The following CHD8 variants were observed in gnomAD, a reference collection of about 807,000 sequenced individuals.
The protein encoded by CHD8 is chromodomain helicase DNA binding protein 8.
In CHD8, 31 loss-of-function variants were observed where a neutral mutation model predicts 279.2. The ratio of observed to expected loss-of-function variants is 0.11; its 90% CI spans 0.08 to 0.15. The LOEUF (loss-of-function observed/expected upper bound fraction) is 0.15, where lower values mean the gene tolerates loss of function less well. Ranked by LOEUF, CHD8 falls within the 10% of genes least tolerant of loss-of-function variation. CHD8 has a pLI of 1.00. For missense variants in CHD8, 2,146 were observed against 3,230.5 expected (o/e 0.66, Z 8.14); for synonymous variants, 1,081 against 1,139.6 (o/e 0.95, Z 1.04).
At position 21,386,997 on chromosome 14, in the gene CHD8, A is replaced by C. The variant is rs368778574; in HGVS notation, c.7183-821T>G. ...ATTTCTACATGTCTAGAACACCAAA[A>C]AACTGTCAGAAACTCCTCACTAAAT... On this transcript the variant is annotated intron_variant, in intron 37 of 37. Coordinates refer to ENST00000646647, the MANE Select transcript of CHD8 (RefSeq NM_001170629.2). Among the ~76,000 whole-genome samples the C allele has an allele frequency of 1.5e-3, 221 of 152,334 alleles. 3 individuals carry two copies. Among genetic ancestry groups the C allele is most frequent in the African/African-American group, 4.4e-3 (181 of 41,580 alleles).
chr14:21,412,266 C>T lies in CHD8; in HGVS notation c.2226+647G>A, dbSNP rs556795651. Among the ~76,000 whole-genome samples the T allele has an allele frequency of 4.6e-5, 7 of 152,054 alleles. No homozygotes were observed. In the East Asian group the frequency reaches 1.4e-3, roughly 30 times the overall value. ...GTTCAAGCGATTCTCCTGCCTCAGC[C>T]TCCCGAGTAGCTGGGACTATAGGCA... On this transcript the variant is annotated intron_variant, in intron 10 of 37. Transcript: ENST00000646647.
Position 21,405,713 on chromosome 14 carries a change from T to C in CHD8, c.3051+8A>G. On this transcript the variant is annotated splice_region_variant and intron_variant, in intron 15 of 37. Transcript: ENST00000646647. This position sits in a 1 kb window ranked among gnomAD's most constrained non-coding sequence, Gnocchi z 4.2. ...CTGAGTTAGTACCTCATCAGATAGATTTCCTACCTGTTCCTCTGTCTTGAG... is the reference window on the plus strand; with the variant it reads ...CTGAGTTAGTACCTCATCAGATAGACTTCCTACCTGTTCCTCTGTCTTGAG... 2 of 1,613,480 alleles carry C rather than the reference T, an allele frequency of 1.2e-6. No individual in the cohort carries two copies. The highest frequency in any genetic ancestry group is 1.1e-5 in the South Asian group (1 of 91,028).
Position 21,405,025 on chromosome 14 carries a change from T to C in CHD8, c.3307+184A>G, listed in dbSNP as rs547480320. On this transcript the variant is annotated intron_variant, in intron 16 of 37. Coordinates refer to ENST00000646647, the MANE Select transcript of CHD8 (RefSeq NM_001170629.2). This position sits in a 1 kb window ranked among gnomAD's most constrained non-coding sequence, Gnocchi z 4.2. ...TTTTGTATTTTTTGTAGAGGTGGGA[T>C]TTCATCATGTTGCCCAGGCTTAGAG... The C allele has an allele frequency of 1.0e-5, 6 of 602,184 alleles. No individual in the cohort carries two copies. In the South Asian group the frequency reaches 1.3e-4, roughly 13 times the overall value. 37.3% of individuals were successfully genotyped at this position (602,184 alleles called of 1,614,324 possible).
intron 37 of CHD8, among the ~76,000 whole-genome samples, chr14:21,386,708 G>A (rs567204890): frequency 6.6e-6 from 1 of 152,122 alleles, no homozygotes; most frequent in African/African-American, 2.4e-5. Context: ...AAGGTGGCGG[G>A]CGCCTGTAGT....
chr14:21,427,540 C>A, intron 4 of CHD8: 1 of 1,268,924 alleles, frequency 7.9e-7, no homozygotes, highest in Admixed American at 3.0e-5. Flanking sequence ...ATCACAATAG[C>A]AAGGAGCACT....
chr14:21,415,793 C>T lies in CHD8; in HGVS notation c.1831G>A (p.Glu611Lys). 6.2e-7 allele frequency: 1 copy of T among 1,613,948 alleles called. No homozygotes were observed. Among genetic ancestry groups the T allele is most frequent in the African/African-American group, 1.3e-5 (1 of 75,034 alleles). The change falls in exon 6 of 38, where the codon GAG becomes AAG. Residue 611 changes from glutamate to lysine, a missense_variant. Coordinates refer to ENST00000646647, the MANE Select transcript of CHD8 (RefSeq NM_001170629.2). ...EVDVTGPIKP[E>K]PILPEPVQEP... ...TGCACTGGTTCAGGGAGGATAGGCT[C>T]AGGTTTTATTGGACCAGTTACATCC... is the stretch of plus-strand genomic sequence containing the variant.
intron 1 of CHD8, among the ~76,000 whole-genome samples, chr14:21,435,802 G>A (rs966368774): frequency 1.3e-5 from 2 of 152,172 alleles, no homozygotes; most frequent in Admixed American, 1.3e-4. Flanking sequence ...AAGCCTTCTT[G>A]GCCAGTGAAG....
chr14:21,397,404 T>C (rs560891953), intron 27 of CHD8: 8 of 515,926 alleles, frequency 1.6e-5, no homozygotes, highest in Admixed American at 5.8e-5. Context: ...CATTGGGACA[T>C]GTTTTCAGGC....
Position 21,431,521 on chromosome 14 carries a change from G to C in CHD8, c.123C>G (p.Ser41Arg), listed in dbSNP as rs1189500705. 1 of 1,537,040 alleles carries C rather than the reference G, an allele frequency of 6.5e-7. No homozygotes were observed. Among genetic ancestry groups the C allele is most frequent in the African/African-American group, 1.4e-5 (1 of 73,038 alleles). Reference sequence around the variant, plus strand: ...TCATCTGATCCAAGGAGTCCAGAGAGCTTGGCAGTCCAAGGGCTTCCTCAA... The same window carrying C: ...TCATCTGATCCAAGGAGTCCAGAGACCTTGGCAGTCCAAGGGCTTCCTCAA... The part of the protein sequence containing the change: ...DPIEEALGLP[S>R]SLDSLDQMNQ... The change falls in exon 2 of 38, where the codon AGC (serine) becomes AGG (arginine). Residue 41 changes from serine (S) to arginine (R), a missense_variant. By Grantham distance (110) the Ser-to-Arg change is moderately radical. Transcript: ENST00000646647.
intron 5 of CHD8, among the ~76,000 whole-genome samples, chr14:21,421,937 C>T (rs948749015): frequency 6.6e-6 from 1 of 152,178 alleles, no homozygotes; most frequent in African/African-American, 2.4e-5. Flanking sequence ...GGAAAGACCA[C>T]GTGAAGACAC....
At chr14:21,447,074 G>A (rs1890140335) in intron 1 of CHD8, among the ~76,000 whole-genome samples, 1 of 152,156 alleles carries the variant, frequency 6.6e-6, no homozygotes, top group South Asian at 2.1e-4. Flanking sequence ...CAAAGCAATG[G>A]CTTCCCTCAC....
intron 1 of CHD8, among the ~76,000 whole-genome samples, chr14:21,450,085 T>G (rs1048092610): frequency 3.3e-5 from 5 of 152,188 alleles, no homozygotes; most frequent in African/African-American, 1.2e-4. Context: ...TTTATGCAAC[T>G]TGCTAGCCCC....
chr14:21,414,072 T>C (rs182053562), intron 9 of CHD8: 46 of 450,402 alleles, frequency 1.0e-4, no homozygotes, highest in African/African-American at 5.4e-4. Context: ...TTCATGTGCA[T>C]TGAGGAAATC....
In CHD8 at chr14:21,453,456, GA is replaced by G. The variant is rs572600692; in HGVS notation, c.-216+2575del. 2.3e-3 allele frequency among the ~76,000 whole-genome samples: 344 copies of G among 152,056 alleles called. 9 individuals carry two copies. Among genetic ancestry groups the G allele is most frequent in the African/African-American group, 7.9e-3 (328 of 41,320 alleles). ...GAATAAAAGATCATAGATCATGTAAGAGGGGATATAAAAAGTTAAAGTGAGA... is the reference window on the plus strand; with the variant it reads ...GAATAAAAGATCATAGATCATGTAAGGGGGATATAAAAAGTTAAAGTGAGA... On this transcript the variant is annotated intron_variant, in intron 1 of 37. Coordinates refer to ENST00000646647, the MANE Select transcript of CHD8 (RefSeq NM_001170629.2).
At chr14:21,450,443 A>G (rs961072761) in intron 1 of CHD8, among the ~76,000 whole-genome samples, 1 of 152,222 alleles carries the variant, frequency 6.6e-6, no homozygotes, top group Non-Finnish European at 1.5e-5. Context: ...AGGAAATTCC[A>G]AAGGTTTCTA....
Position 21,403,001 on chromosome 14 carries a change from C to A in CHD8, c.3714+16G>T. On this transcript the variant is annotated intron_variant, in intron 18 of 37. Transcript: ENST00000646647. The surrounding 1 kb of genome is among the most constrained non-coding windows in gnomAD (Gnocchi z 4.3). ...CAAGTTAGGTAGTTAGTCCCTAAGA[C>A]AATGAATTCCTTTACCTGCAGGTCA... The A allele has an allele frequency of 3.1e-6, 5 of 1,603,158 alleles. No individual in the cohort carries two copies. The highest frequency in any genetic ancestry group is 4.3e-6 in the Non-Finnish European group (5 of 1,171,442).
chr14:21,413,977 T>TCTA (rs1457211262), intron 9 of CHD8: 1 of 236,714 alleles, frequency 4.2e-6, no homozygotes, highest in African/African-American at 2.3e-5. Flanking sequence ...TAATAATAGG[T>TCTA]CTACAGAAAC....
Position 21,397,829 on chromosome 14 carries a change from A to C in CHD8, c.5045T>G (p.Val1682Gly). 6.2e-7 allele frequency: 1 copy of C among 1,613,482 alleles called. No individual in the cohort carries two copies. The highest frequency in any genetic ancestry group is 8.5e-7 in the Non-Finnish European group (1 of 1,179,652). The change falls in exon 27 of 38, where the codon GTA (valine) becomes GGA (glycine). Residue 1682 changes from valine to glycine, a missense_variant. By Grantham distance (109) the Val-to-Gly change is moderately radical. This residue lies in a region of CHD8 where 75 missense variants were observed against 81.3 expected (regional missense o/e 0.92). Coordinates refer to ENST00000646647, the MANE Select transcript of CHD8 (RefSeq NM_001170629.2). ...AACAAATACTAATGCTTACCCTTCT[A>C]CTATGTCAGAGAAGTTATCCAACAC... The part of the protein sequence containing the change: ...HRVLDNFSDI[V>G]EGVDFDKDCE...
chr14:21,392,199 G>A (rs781394216), intron 34 of CHD8: 1 of 758,580 alleles, frequency 1.3e-6, no homozygotes, highest in Non-Finnish European at 2.4e-6. Flanking sequence ...ACCCAAGTTA[G>A]GGTAAAACTC....
Sources: allele counts gnomAD v4.1 joint callset (sites outside exome capture counted in the v4.1 genomes callset), GRCh38; gene constraint gnomAD v4.1.1; regional missense constraint gnomAD v4.1.1; non-coding constraint Gnocchi (gnomAD v3.1); transcripts MANE v1.5; gene names NCBI Gene and HGNC (gene_info 2026-07-23, HGNC 2026-07-21).